Variants in CCDC7 observed in about 807,000 individuals in gnomAD.
CCDC7 encodes coiled-coil domain containing 7.
In CCDC7, 183 loss-of-function variants were observed where a neutral mutation model predicts 196.9. The observed-to-expected ratio is 0.93, with a 90% CI of 0.82 to 1.05. The LOEUF is 1.05. Among genes scored for constraint, CCDC7 ranks in the 50% least tolerant of loss-of-function variants. The probability of loss-of-function intolerance (pLI) is 0.00; values close to 1 mark genes in which losing one functional copy is unlikely to be tolerated. For missense variants in CCDC7, 1,540 were observed against 1,482.2 expected (o/e 1.04, Z -0.64); for synonymous variants, 525 against 484.6 (o/e 1.08, Z -1.10).
At chr10:32,799,301 G>C (rs1392544655) in intron 29 of CCDC7, among the ~76,000 whole-genome samples, 2 of 152,102 alleles carry the variant, frequency 1.3e-5, no homozygotes, top group Non-Finnish European at 1.5e-5. Flanking sequence ...TCACCTATGG[G>C]GGCCTGCCAA....
chr10:32,735,350 C>T (rs1190604737), intron 28 of CCDC7, among the ~76,000 whole-genome samples: 1 of 152,086 alleles, frequency 6.6e-6, no homozygotes, highest in Admixed American at 6.5e-5. Context: ...ATGTTCCTTG[C>T]CAGTTTTTGT....
chr10:32,718,881 A>T (rs1205554043), intron 25 of CCDC7, among the ~76,000 whole-genome samples: 1 of 152,232 alleles, frequency 6.6e-6, no homozygotes, highest in Non-Finnish European at 1.5e-5. Flanking sequence ...AGAAGAGATA[A>T]ACCAATGGAT....
intron 16 of CCDC7, chr10:32,574,508 C>A: frequency 6.5e-7 from 1 of 1,536,738 alleles, no homozygotes; most frequent in Admixed American, 2.0e-5. Flanking sequence ...TAAGGAGACC[C>A]CACCTGAGCA....
Position 32,876,339 on chromosome 10 carries a change from C to A in CCDC7, c.4112-8C>A. On this transcript the variant is annotated splice_polypyrimidine_tract_variant and splice_region_variant and intron_variant, in intron 41 of 41. Coordinates refer to ENST00000639629, the Ensembl canonical transcript of CCDC7. ...TTTTTTCAATTAACACATAACTTTT[C>A]TTTAAAGTGTTACATGCTGCTGCCC... is the stretch of plus-strand genomic sequence containing the variant. The A allele has an allele frequency of 6.2e-7, 1 of 1,605,100 alleles. No individual in the cohort carries two copies. The highest frequency in any genetic ancestry group is 1.7e-5 in the Admixed American group (1 of 58,978).
chr10:32,855,528 C>T (rs911717632), intron 41 of CCDC7, among the ~76,000 whole-genome samples: 6 of 152,198 alleles, frequency 3.9e-5, no homozygotes, highest in Admixed American at 3.3e-4. Flanking sequence ...ATAAGGAGCA[C>T]ACAACCTAGA....
intron 11 of CCDC7, among the ~76,000 whole-genome samples, chr10:32,526,711 G>T (rs1174404731): frequency 6.6e-6 from 1 of 152,062 alleles, no homozygotes; most frequent in Admixed American, 6.6e-5. Flanking sequence ...CCAGGAGTGA[G>T]GGCCTGGAAT....
intron 11 of CCDC7, among the ~76,000 whole-genome samples, 174 bp downstream of exon 12, chr10:32,518,679 G>A (rs2079072332): frequency 1.4e-5 from 2 of 141,770 alleles, no homozygotes. Flanking sequence ...CATATTAGGT[G>A]TCAAAACCAA....
At chr10:32,445,751 C>T (rs565991493), upstream of CCDC7, among the ~76,000 whole-genome samples, 3 of 152,308 alleles carry the variant, frequency 2.0e-5, no homozygotes, top group African/African-American at 7.2e-5. Context: ...GTGTACACTT[C>T]CGTGCGAGCT....
At chr10:32,767,731 G>T (rs544998319) in intron 28 of CCDC7, among the ~76,000 whole-genome samples, 19 of 152,182 alleles carry the variant, frequency 1.2e-4, no homozygotes, top group African/African-American at 4.6e-4. Context: ...CAGGCATCAA[G>T]AATATATAGG....
chr10:32,611,672 T>C (rs1393962294), intron 18 of CCDC7, among the ~76,000 whole-genome samples: 1 of 152,246 alleles, frequency 6.6e-6, no homozygotes, highest in Non-Finnish European at 1.5e-5. Flanking sequence ...ATTTATTAAA[T>C]AGGGAATCCT....
intron 15 of CCDC7, among the ~76,000 whole-genome samples, chr10:32,570,254 C>A (rs1403732670): frequency 6.6e-6 from 1 of 152,136 alleles, no homozygotes; most frequent in African/African-American, 2.4e-5. Flanking sequence ...ACTGTTATTT[C>A]TTCTTTTCCT....
chr10:32,487,281 C>A (rs1447233866), intron 8 of CCDC7, among the ~76,000 whole-genome samples: 1 of 152,202 alleles, frequency 6.6e-6, no homozygotes, highest in Non-Finnish European at 1.5e-5. Flanking sequence ...ATCGAATCGG[C>A]TACTGAGGCT....
At position 32,472,561 on chromosome 10, in the gene CCDC7, T is replaced by G; in HGVS notation, c.739+19T>G. 1 of 1,505,534 alleles carries G rather than the reference T, an allele frequency of 6.6e-7. No homozygotes were observed. The highest frequency in any genetic ancestry group is 8.8e-7 in the Non-Finnish European group (1 of 1,130,616). The allele number at this position is 1,505,534 out of a possible 1,614,324, so 93.3% of individuals were successfully genotyped here. On this transcript the variant is annotated intron_variant, in intron 7 of 41. Transcript: ENST00000639629. ...ATTGAAGGTGATAATATTTTATATA[T>G]GTTTATCCTTAAAAATTTTATTAAA...
chr10:32,584,752 CAAAAAAA>C (rs749922864), intron 18 of CCDC7, among the ~76,000 whole-genome samples: 3 of 56,334 alleles, frequency 5.3e-5, no homozygotes, highest in African/African-American at 2.8e-4. Flanking sequence ...CACTTCATCT[CAAAAAAA>C]AAAAAAAAAA....
At chr10:32,766,134 C>A (rs1176865098) in intron 28 of CCDC7, among the ~76,000 whole-genome samples, 2 of 151,834 alleles carry the variant, frequency 1.3e-5, no homozygotes, top group African/African-American at 4.8e-5. Flanking sequence ...GGACATGAAT[C>A]CAAAAAATTT....
chr10:32,683,194 T>C (rs1281090974), intron 21 of CCDC7, among the ~76,000 whole-genome samples: 1 of 152,204 alleles, frequency 6.6e-6, no homozygotes, highest in Admixed American at 6.5e-5. Flanking sequence ...AGCAGTCCAA[T>C]TTCAGTCTAC....
chr10:32,751,035 C>G (rs1341022156), intron 28 of CCDC7, among the ~76,000 whole-genome samples: 1 of 152,102 alleles, frequency 6.6e-6, no homozygotes, highest in Non-Finnish European at 1.5e-5. Flanking sequence ...ATTTCTATAA[C>G]TAGTTATGAA....
chr10:32,716,876 A>ATATCCTAAATATATAT (rs2081668719), intron 25 of CCDC7, among the ~76,000 whole-genome samples: 2 of 152,200 alleles, frequency 1.3e-5, no homozygotes, highest in Admixed American at 6.5e-5. Flanking sequence ...CTCCCAATAC[A>ATATCCTAAATATATAT]GGAGCACCCA....
intron 8 of CCDC7, among the ~76,000 whole-genome samples, chr10:32,474,314 C>T (rs2038574841): frequency 7.0e-6 from 1 of 142,086 alleles, no homozygotes; most frequent in Non-Finnish European, 1.5e-5. Flanking sequence ...ACCTCTGCCT[C>T]CTGGGTTCAA....
Sources: gnomAD v4.1 joint callset for allele counts (sites outside exome capture counted in the v4.1 genomes callset) on GRCh38, gnomAD v4.1.1 for gene constraint, MANE v1.5 for transcripts, NCBI Gene and HGNC (gene_info 2026-07-23, HGNC 2026-07-21) for gene names.